The following OR52L1 variants were observed in gnomAD, a reference collection of about 807,000 sequenced individuals.
OR52L1 encodes the protein olfactory receptor family 52 subfamily L member 1, also known as olfactory receptor 52L1.
Under a neutral mutation model 16.1 loss-of-function variants are expected in OR52L1, and 15 were observed. The ratio of observed to expected loss-of-function variants is 0.93; its 90% confidence interval spans 0.62 to 1.44. The LOEUF is 1.44. OR52L1 is among the 40% of genes most tolerant of loss of function. The pLI, the probability that OR52L1 is intolerant of heterozygous loss-of-function variation, is 0.00. For synonymous variants in OR52L1, 166 were observed against 159.2 expected (o/e 1.04, Z -0.32); for missense variants, 406 against 402.3 (o/e 1.01, Z -0.08).
Position 5,986,956 on chromosome 11 carries a change from C to CTATACACCACATCCTCAACATATTCA in OR52L1, c.-27_-26insTGAATATGTTGAGGATGTGGTGTATA. On this transcript the variant is annotated 5_prime_UTR_variant, in exon 1 of 1. It adds an upstream start codon to the 5' untranslated region. Coordinates refer to ENST00000332249, the MANE Select transcript of OR52L1 (RefSeq NM_001005173.3). Reference sequence around the variant, plus strand: ...GATTTCTGCATTCCTGCTACATTATCACATTGTCCAAATGGGGCAACCATC... The same window carrying CTATACACCACATCCTCAACATATTCA: ...GATTTCTGCATTCCTGCTACATTATCTATACACCACATCCTCAACATATTCAACATTGTCCAAATGGGGCAACCATC... 1.2e-6 allele frequency: 2 copies of CTATACACCACATCCTCAACATATTCA among 1,602,538 alleles called. No homozygotes were observed. The highest frequency in any genetic ancestry group is 1.7e-6 in the Non-Finnish European group (2 of 1,175,042).
chr11:5,986,664 C>A lies in OR52L1; in HGVS notation c.267G>T (p.Leu89=). The change falls in exon 1 of 1, where the codon CTG becomes CTT. Residue 89 remains leucine, a synonymous_variant. Coordinates refer to ENST00000332249, the MANE Select transcript of OR52L1 (RefSeq NM_001005173.3). ...LFLSMLAAID[L]VLASSTAPKA... ...TGGGTGCAGTGGAGGAGGCCAGAAC[C>A]AGGTCGATGGCAGCTAGCATGGACA... The A allele has an allele frequency of 6.2e-7, 1 of 1,613,926 alleles. No individual in the cohort carries two copies. Among genetic ancestry groups the A allele is most frequent in the Non-Finnish European group, 8.5e-7 (1 of 1,179,862 alleles).
In OR52L1 at chr11:5,986,058, A is replaced by G. The variant is rs368056461; in HGVS notation, c.873T>C (p.His291=). Residue 291 remains histidine, a synonymous_variant, in exon 1 of 1, where the codon CAT becomes CAC. Coordinates refer to ENST00000332249, the MANE Select transcript of OR52L1 (RefSeq NM_001005173.3). ...RFGHHVPHHV[H]VLLATRYLLM... ...GGAGATACCGTGTGGCCAGAAGAAC[A>G]TGGACATGATGGGGTACATGATGAC... 6.2e-7 allele frequency: 1 copy of G among 1,614,014 alleles called. No homozygotes were observed. Among genetic ancestry groups the G allele is most frequent in the Non-Finnish European group, 8.5e-7 (1 of 1,179,874 alleles).
rs1848110533 is a variant in OR52L1 at position 5,985,907 on chromosome 11, A to C, written c.*34T>G. ...GCTCCTGGCTGTGGTCCGCAGAAGA[A>C]GCCTCCGAAGGAAACAATGAGAATA... is the stretch of plus-strand genomic sequence containing the variant. On this transcript the variant is annotated 3_prime_UTR_variant, in exon 1 of 1. Transcript: ENST00000332249. The C allele has an allele frequency of 6.5e-7, 1 of 1,546,336 alleles. No individual in the cohort carries two copies. The highest frequency in any genetic ancestry group is 1.4e-5 in the African/African-American group (1 of 73,256).
At position 5,985,936 on chromosome 11, in the gene OR52L1, T is replaced by C. The variant is rs1419494689; in HGVS notation, c.*5A>G. On this transcript the variant is annotated 3_prime_UTR_variant, in exon 1 of 1. Transcript: ENST00000332249. ...TCCGAAGGAAACAATGAGAATATGT[T>C]CAGATCAATCCTTTTGTGTAAACAC... The C allele has an allele frequency of 1.9e-6, 3 of 1,597,834 alleles. No individual in the cohort carries two copies. Among genetic ancestry groups the C allele is most frequent in the Admixed American group, 1.7e-5 (1 of 57,564 alleles).
chr11:5,986,679 T>C lies in OR52L1; in HGVS notation c.252A>G (p.Leu84=). 6.2e-7 allele frequency: 1 copy of C among 1,613,910 alleles called. No individual in the cohort carries two copies. The highest frequency in any genetic ancestry group is 8.5e-7 in the Non-Finnish European group (1 of 1,179,868). Residue 84 remains leucine, a synonymous_variant, in exon 1 of 1, where the codon CTA becomes CTG. Coordinates refer to ENST00000332249, the MANE Select transcript of OR52L1 (RefSeq NM_001005173.3). ...AGGCCAGAACCAGGTCGATGGCAGC[T>C]AGCATGGACAGGAAGAGGTACATAG... ...HQSMYLFLSM[L]AAIDLVLASS...
rs370521845 is a variant in OR52L1 at position 5,986,362 on chromosome 11, G to T, written c.569C>A (p.Thr190Asn). The T allele has an allele frequency of 5.0e-6, 8 of 1,613,876 alleles. No homozygotes were observed. The African/African-American group carries it at 1.1e-4, about 22-fold the overall frequency. Residue 190 changes from threonine to asparagine, a missense_variant, in exon 1 of 1, where the codon ACC becomes AAC. Physicochemically the swap from Thr to Asn is moderately conservative, Grantham distance 65. Coordinates refer to ENST00000332249, the MANE Select transcript of OR52L1 (RefSeq NM_001005173.3). ...LLGTLIFCQA[T>N]IIGHAYCEHM... ...TTCACAATAGGCATGGCCTATGATG[G>T]TGGCTTGGCAGAAGATAAGTGTTCC...
chr11:5,986,702 T>C lies in OR52L1; in HGVS notation c.229A>G (p.Met77Val), dbSNP rs1210460347. Residue 77 changes from methionine (M) to valine (V), a missense_variant, in exon 1 of 1, where the codon ATG (methionine) becomes GTG (valine). Met to Val is a conservative substitution (Grantham distance 21). Coordinates refer to ENST00000332249, the MANE Select transcript of OR52L1 (RefSeq NM_001005173.3). ...IWMDPSLHQS[M>V]YLFLSMLAAI... The stretch of plus-strand genomic sequence containing the variant: ...GCTAGCATGGACAGGAAGAGGTACA[T>C]AGATTGGTGCAAGGATGGGTCCATC... The C allele has an allele frequency of 8.7e-6, 14 of 1,613,742 alleles. No homozygotes were observed. Among genetic ancestry groups the C allele is most frequent in the East Asian group, 4.5e-5 (2 of 44,868 alleles).
rs771597444 is a variant in OR52L1 at position 5,986,816 on chromosome 11, C to G, written c.115G>C (p.Glu39Gln). The change falls in exon 1 of 1, where the codon GAG becomes CAG. Residue 39 changes from glutamate to glutamine, a missense_variant. Coordinates refer to ENST00000332249, the MANE Select transcript of OR52L1 (RefSeq NM_001005173.3). Reference sequence around the variant, plus strand: ...AGTGCAATCCAGTGCTGGCTTTCCTCTAAACCTGGAATCCCTACCAGGAGA... The same window carrying G: ...AGTGCAATCCAGTGCTGGCTTTCCTGTAAACCTGGAATCCCTACCAGGAGA... ...SFLLVGIPGL[E>Q]ESQHWIALPL... 10 of 1,613,902 alleles carry G rather than the reference C, an allele frequency of 6.2e-6. No individual in the cohort carries two copies. In the African/African-American group the frequency reaches 1.2e-4, roughly 19 times the overall value.
rs868034552 is a variant in OR52L1, at chr11:5,986,332, A to G, written c.599T>C (p.Met200Thr). 2 of 1,613,928 alleles carry G rather than the reference A, an allele frequency of 1.2e-6. No homozygotes were observed. The highest frequency in any genetic ancestry group is 2.2e-5 in the East Asian group (1 of 44,902). Residue 200 changes from methionine (M) to threonine (T), a missense_variant, in exon 1 of 1, where the codon ATG becomes ACG. Physicochemically the swap from Met to Thr is moderately conservative, Grantham distance 81 (BLOSUM62 -1). Coordinates refer to ENST00000332249, the MANE Select transcript of OR52L1 (RefSeq NM_001005173.3). ...TIIGHAYCEH[M>T]AVVKLACSET... ...TGAGCAGGCAAGTTTCACAACAGCC[A>G]TATGTTCACAATAGGCATGGCCTAT...
rs573063039 is a variant in OR52L1 at position 5,986,109 on chromosome 11, A to C, written c.822T>G (p.Ile274Met). The C allele has an allele frequency of 2.7e-5, 43 of 1,613,962 alleles. No homozygotes were observed. The highest frequency in any genetic ancestry group is 1.5e-4 in the African/African-American group (11 of 75,026). ...CAAAGCGGTGAGTGAGGAAGGAGAA[A>C]ATTCCAGGGACATAGAAGACCAGGA... The part of the protein sequence containing the change: ...CVILVFYVPG[I>M]FSFLTHRFGH... The change falls in exon 1 of 1, where the codon ATT (isoleucine) becomes ATG (methionine). Residue 274 changes from isoleucine to methionine, a missense_variant. Ile to Met is a conservative substitution (Grantham distance 10). Transcript: ENST00000332249.
In OR52L1 at chr11:5,986,739, G is replaced by C; in HGVS notation, c.192C>G (p.Leu64=). ...AGGATGGGTCCATCCAGATGATGAA[G>C]AGAATGGTAACATTGCCCACTAAAG... ...LLALVGNVTI[L]FIIWMDPSLH... is the part of the protein sequence containing the mutation. Residue 64 remains leucine, a synonymous_variant, in exon 1 of 1, where the codon CTC becomes CTG. Coordinates refer to ENST00000332249, the MANE Select transcript of OR52L1 (RefSeq NM_001005173.3). 6.2e-7 allele frequency: 1 copy of C among 1,613,976 alleles called. No individual in the cohort carries two copies. Among genetic ancestry groups the C allele is most frequent in the Non-Finnish European group, 8.5e-7 (1 of 1,179,860 alleles).
At position 5,986,540 on chromosome 11, in the gene OR52L1, C is replaced by T. The variant is rs1848119476; in HGVS notation, c.391G>A (p.Gly131Arg). ...FIHAFSSMESGVLVAMALDRY... is the reference protein window; with the variant it reads ...FIHAFSSMESRVLVAMALDRY... The stretch of plus-strand genomic sequence containing the variant: ...TCCAGAGCCATGGCCACAAGTACCC[C>T]TGACTCCATGGAGGAGAATGCATGG... The change falls in exon 1 of 1, where the codon GGG becomes AGG. Residue 131 changes from glycine (G) to arginine (R), a missense_variant. Coordinates refer to ENST00000332249, the MANE Select transcript of OR52L1 (RefSeq NM_001005173.3). 1 of 1,613,958 alleles carries T rather than the reference C, an allele frequency of 6.2e-7. No homozygotes were observed. The highest frequency in any genetic ancestry group is 8.5e-7 in the Non-Finnish European group (1 of 1,179,902).
Position 5,986,849 on chromosome 11 carries a change from G to T in OR52L1, c.82C>A (p.Pro28Thr), listed in dbSNP as rs750358809. 2 of 1,613,990 alleles carry T rather than the reference G, an allele frequency of 1.2e-6. No homozygotes were observed. Among genetic ancestry groups the T allele is most frequent in the Admixed American group, 1.7e-5 (1 of 60,024 alleles). ...GGAATCCCTACCAGGAGAAAAGAAG[G>T]CTGGGATAGCCTCCAGCTTGAATTG... is the stretch of plus-strand genomic sequence containing the variant. ...LSNSSWRLSQ[P>T]SFLLVGIPGL... The change falls in exon 1 of 1, where the codon CCT becomes ACT. Residue 28 changes from proline (P) to threonine (T), a missense_variant. Transcript: ENST00000332249.
rs61732631 is a variant in OR52L1 at position 5,986,166 on chromosome 11, C to T, written c.765G>A (p.Ala255=). ...AAATATGAGAGCCACATGTGCTAAACGCCTTAAGTCGGGCCTCACTCCCTG... is the reference window on the plus strand; with the variant it reads ...AAATATGAGAGCCACATGTGCTAAATGCCTTAAGTCGGGCCTCACTCCCTG... ...KVPGSEARLK[A]FSTCGSHICV... is the part of the protein sequence containing the mutation. The change falls in exon 1 of 1, where the codon GCG becomes GCA. Residue 255 remains alanine (A), a synonymous_variant. Transcript: ENST00000332249. The T allele has an allele frequency of 0.088, 141,597 of 1,613,804 alleles. 6,793 individuals carry two copies. Among genetic ancestry groups the T allele is most frequent in the South Asian group, 0.14 (12,571 of 91,066 alleles).
rs112071357 is a variant in OR52L1, at chr11:5,985,914, G to T, written c.*27C>A. On this transcript the variant is annotated 3_prime_UTR_variant, in exon 1 of 1. Transcript: ENST00000332249. ...GCTGTGGTCCGCAGAAGAAGCCTCCGAAGGAAACAATGAGAATATGTTCAG... is the reference window on the plus strand; with the variant it reads ...GCTGTGGTCCGCAGAAGAAGCCTCCTAAGGAAACAATGAGAATATGTTCAG... 2.6e-6 allele frequency: 4 copies of T among 1,562,356 alleles called. No individual in the cohort carries two copies. In the South Asian group the frequency reaches 3.6e-5, roughly 14 times the overall value.
chr11:5,986,778 G>A lies in OR52L1; in HGVS notation c.153C>T (p.Ile51=), dbSNP rs369374853. 2.2e-5 allele frequency: 36 copies of A among 1,613,918 alleles called. No individual in the cohort carries two copies. Among genetic ancestry groups the A allele is most frequent in the Non-Finnish European group, 3.0e-5 (35 of 1,179,892 alleles). Residue 51 remains isoleucine (I), a synonymous_variant, in exon 1 of 1, where the codon ATC becomes ATT. Coordinates refer to ENST00000332249, the MANE Select transcript of OR52L1 (RefSeq NM_001005173.3). ...TGCCCACTAAAGCAAGGAGGTAAAG[G>A]ATGCCCAGGGGCAGTGCAATCCAGT... ...SQHWIALPLG[I]LYLLALVGNV...
rs1848115137 is a variant in OR52L1 at position 5,986,281 on chromosome 11, C to G, written c.650G>C (p.Gly217Ala). ...CSETTVNRAYGLTMALLVIGL... is the reference protein window; with the variant it reads ...CSETTVNRAYALTMALLVIGL... ...AATCACAAGCAAGGCCATAGTCAGC[C>G]CATAAGCTCGATTGACTGTGGTTTC... Residue 217 changes from glycine to alanine, a missense_variant, in exon 1 of 1, where the codon GGG (glycine) becomes GCG (alanine). Physicochemically the swap from Gly to Ala is moderately conservative, Grantham distance 60. Coordinates refer to ENST00000332249, the MANE Select transcript of OR52L1 (RefSeq NM_001005173.3). The G allele has an allele frequency of 3.1e-6, 5 of 1,613,976 alleles. No homozygotes were observed. The highest frequency in any genetic ancestry group is 1.7e-6 in the Non-Finnish European group (2 of 1,179,890).
Position 5,986,802 on chromosome 11 carries a change from G to C in OR52L1, c.129C>G (p.His43Gln). 6.2e-7 allele frequency: 1 copy of C among 1,614,038 alleles called. No homozygotes were observed. Among genetic ancestry groups the C allele is most frequent in the African/African-American group, 1.3e-5 (1 of 75,072 alleles). ...VGIPGLEESQ[H>Q]WIALPLGILY... is the part of the protein sequence containing the mutation. ...GGATGCCCAGGGGCAGTGCAATCCA[G>C]TGCTGGCTTTCCTCTAAACCTGGAA... Residue 43 changes from histidine to glutamine, a missense_variant, in exon 1 of 1, where the codon CAC becomes CAG. By Grantham distance (24) the His-to-Gln change is conservative. Coordinates refer to ENST00000332249, the MANE Select transcript of OR52L1 (RefSeq NM_001005173.3).
chr11:5,985,961 C>G lies in OR52L1; in HGVS notation c.970G>C (p.Val324Leu), dbSNP rs770110516. ...TCAGATCAATCCTTTTGTGTAAACA[C>G]TCTGAGCACTCGCTGGCGGATCTGC... The part of the protein sequence containing the change: ...TQQIRQRVLR[V>L]FTQKD Residue 324 changes from valine (V) to leucine (L), a missense_variant, in exon 1 of 1, where the codon GTG becomes CTG. Transcript: ENST00000332249. 1 of 1,608,792 alleles carries G rather than the reference C, an allele frequency of 6.2e-7. No homozygotes were observed. The highest frequency in any genetic ancestry group is 8.5e-7 in the Non-Finnish European group (1 of 1,177,344).
Sources: allele counts gnomAD v4.1 joint callset, GRCh38; gene constraint gnomAD v4.1.1; transcripts MANE v1.5; gene names NCBI Gene and HGNC (gene_info 2026-07-23, HGNC 2026-07-21).